Variants in SF3B3 observed in about 807,000 individuals in gnomAD.
The protein encoded by SF3B3 is splicing factor 3b subunit 3, also known as SAP 130.
In SF3B3, 33 loss-of-function variants were observed where a neutral mutation model predicts 139.2. The observed-to-expected ratio is 0.24, with a 90% confidence interval of 0.18 to 0.32. SF3B3 has a LOEUF of 0.32. Among genes scored for constraint, SF3B3 ranks in the 10% least tolerant of loss-of-function variants. SF3B3 has a pLI of 1.00. For missense variants in SF3B3, 818 were observed against 1,509.4 expected (o/e 0.54, Z 7.59); for synonymous variants, 596 against 563.6 (o/e 1.06, Z -0.81).
intron 18 of SF3B3, 43 bp from the exon 19 acceptor site, chr16:70,565,022 C>A (rs376041636): frequency 1.3e-6 from 2 of 1,595,014 alleles, no homozygotes; most frequent in African/African-American, 1.3e-5. Context: ...CCAGCCCCTA[C>A]CTCTGAGCAC....
chr16:70,527,407 C>G (rs1291411836), intron 2 of SF3B3, among the ~76,000 whole-genome samples: 9 of 152,198 alleles, frequency 5.9e-5, no homozygotes, highest in Admixed American at 4.6e-4. Flanking sequence ...CCAAGTAATG[C>G]AGGAGGTTCA....
At chr16:70,538,534 G>A in intron 7 of SF3B3, 74 bp downstream of exon 7, 1 of 1,326,384 alleles carries the variant, frequency 7.5e-7, no homozygotes, top group East Asian at 2.3e-5. Flanking sequence ...TACTTTACAA[G>A]TTAAAAAAAT....
At chr16:70,556,543 A>G (rs1238471027) in intron 14 of SF3B3, 5 of 628,616 alleles carry the variant, frequency 8.0e-6, no homozygotes, top group Middle Eastern at 4.3e-4. Flanking sequence ...GACTACAGAA[A>G]TGTTTCTTTG....
rs374390756 is a variant in SF3B3 at position 70,548,430 on chromosome 16, C to T, written c.1390C>T (p.Arg464Ter). ...GNPNAVWTVR[R>*]HIEDEFDAYI... ...CCCCAACGCTGTCTGGACAGTGCGT[C>T]GACACATTGAAGGTAAGCAGCTTTT... The change falls in exon 11 of 26, where the codon CGA becomes TGA. Residue 464 changes from arginine to a stop codon, truncating the protein, a stop_gained. Transcript: ENST00000302516. LOFTEE classifies it high-confidence loss of function. 1 of 1,613,728 alleles carries T rather than the reference C, an allele frequency of 6.2e-7. No homozygotes were observed. Among genetic ancestry groups the T allele is most frequent in the Non-Finnish European group, 8.5e-7 (1 of 1,179,926 alleles).
Position 70,526,655 on chromosome 16 carries a change from C to G in SF3B3, c.-2C>G, listed in dbSNP as rs1234079138. On this transcript the variant is annotated 5_prime_UTR_variant, in exon 2 of 26. Coordinates refer to ENST00000302516, the MANE Select transcript of SF3B3 (RefSeq NM_012426.5). ...TCTGGGTGGCTCAGGTTTCCTGCAG[C>G]CATGTTTCTGTACAACTTAACCTTG... 1.2e-6 allele frequency: 2 copies of G among 1,613,506 alleles called. No individual in the cohort carries two copies. The highest frequency in any genetic ancestry group is 1.3e-5 in the African/African-American group (1 of 75,012).
chr16:70,547,479 C>A (rs1292163066), intron 10 of SF3B3, among the ~76,000 whole-genome samples: 1 of 152,320 alleles, frequency 6.6e-6, no homozygotes. Context: ...GTTTTGTTTA[C>A]TCTTATGTTT....
chr16:70,540,748 GAAAA>G (rs946567064), intron 8 of SF3B3, among the ~76,000 whole-genome samples: 1 of 151,678 alleles, frequency 6.6e-6, no homozygotes, highest in Non-Finnish European at 1.5e-5. Context: ...AAAAAAGAAA[GAAAA>G]AGATTCATGT....
intron 9 of SF3B3, among the ~76,000 whole-genome samples, chr16:70,543,224 A>C (rs752025546): frequency 1.3e-5 from 2 of 151,460 alleles, no homozygotes; most frequent in African/African-American, 4.9e-5. Context: ...CCTGACCAAC[A>C]TGGAGAAACC....
chr16:70,535,419 G>A lies in SF3B3; in HGVS notation c.824G>A (p.Arg275Gln), dbSNP rs769539685. Reference protein sequence around the residue: ...PDIRCPIPRRRNDLDDPERGM... With the variant: ...PDIRCPIPRRQNDLDDPERGM... ...ATCCGCTGTCCAATTCCCAGGAGGCGGGTAAGATCTTTGATATAAGAAGAG... is the reference window on the plus strand; with the variant it reads ...ATCCGCTGTCCAATTCCCAGGAGGCAGGTAAGATCTTTGATATAAGAAGAG... The change falls in exon 6 of 26, where the codon CGG becomes CAG. Residue 275 changes from arginine to glutamine, a missense_variant and splice_region_variant. Physicochemically the swap from Arg to Gln is conservative, Grantham distance 43. Transcript: ENST00000302516. The A allele has an allele frequency of 1.9e-6, 3 of 1,559,048 alleles. No individual in the cohort carries two copies. The highest frequency in any genetic ancestry group is 1.4e-5 in the African/African-American group (1 of 73,540).
intron 9 of SF3B3, among the ~76,000 whole-genome samples, chr16:70,542,085 C>G (rs1023341310): frequency 1.3e-5 from 2 of 152,146 alleles, no homozygotes; most frequent in African/African-American, 4.8e-5. Flanking sequence ...TCAGACCATA[C>G]AAGAAGTGAG....
chr16:70,532,672 C>T (rs772617621), intron 5 of SF3B3, 52 bp downstream of exon 5: 4 of 1,558,516 alleles, frequency 2.6e-6, no homozygotes, highest in South Asian at 2.2e-5. Flanking sequence ...TCATTTTATG[C>T]CCAAACCTAA....
intron 12 of SF3B3, among the ~76,000 whole-genome samples, 191 bp from the exon 13 acceptor site, chr16:70,554,860 C>T (rs1193171515): frequency 2.0e-5 from 3 of 152,200 alleles, no homozygotes; most frequent in Non-Finnish European, 2.9e-5. Flanking sequence ...GAAGTGGACA[C>T]TGCAAAACAT....
intron 3 of SF3B3, among the ~76,000 whole-genome samples, chr16:70,530,286 A>G (rs1203381994): frequency 1.3e-5 from 2 of 148,214 alleles, no homozygotes; most frequent in African/African-American, 2.5e-5. Flanking sequence ...GACTTGAGCC[A>G]CTGTGCCCAG....
intron 14 of SF3B3, 166 bp downstream of exon 14, chr16:70,556,500 A>T (rs1345489075): frequency 4.2e-6 from 3 of 721,586 alleles, no homozygotes; most frequent in Non-Finnish European, 4.7e-6. Flanking sequence ...GTGTTTCAGG[A>T]GTTTCCTGCT....
intron 10 of SF3B3, among the ~76,000 whole-genome samples, 180 bp from the exon 11 acceptor site, chr16:70,548,190 A>G (rs986687875): frequency 6.6e-6 from 1 of 152,122 alleles, no homozygotes; most frequent in African/African-American, 2.4e-5. Flanking sequence ...TGTCATGGGG[A>G]TTGCCACTAA....
chr16:70,553,482 T>C (rs1295051426), intron 11 of SF3B3, among the ~76,000 whole-genome samples: 1 of 152,178 alleles, frequency 6.6e-6, no homozygotes, highest in East Asian at 1.9e-4. Flanking sequence ...TGTCCTTTTT[T>C]TTTAACCTGA....
At chr16:70,569,169 G>A in intron 23 of SF3B3, 28 bp downstream of exon 23, 11 of 1,498,752 alleles carry the variant, frequency 7.3e-6, no homozygotes, top group Non-Finnish European at 1.0e-5. Context: ...GCCCCAGGGA[G>A]AACACTGCTT....
chr16:70,529,050 ACT>A lies in SF3B3; in HGVS notation c.251_252del (p.Ser84TrpfsTer12). On this transcript the variant is annotated frameshift_variant, in exon 3 of 26. Coordinates refer to ENST00000302516, the MANE Select transcript of SF3B3 (RefSeq NM_012426.5). LOFTEE classifies it high-confidence loss of function. ...AAAGACTACATTGTAGTTGGCAGTG[ACT>A]CTGGTCGAATTGTTATTTTGGAATA... 6.2e-7 allele frequency: 1 copy of A among 1,614,046 alleles called. No homozygotes were observed. Among genetic ancestry groups the A allele is most frequent in the Non-Finnish European group, 8.5e-7 (1 of 1,180,010 alleles).
At chr16:70,557,400 TGTTGTCAAA>T (rs1386492185) in intron 15 of SF3B3, among the ~76,000 whole-genome samples, 1 of 152,230 alleles carries the variant, frequency 6.6e-6, no homozygotes, top group African/African-American at 2.4e-5. Context: ...AAATGTTCCC[TGTTGTCAAA>T]GTTGCTGAGC....
Sources: allele counts gnomAD v4.1 joint callset (sites outside exome capture counted in the v4.1 genomes callset), GRCh38; gene constraint gnomAD v4.1.1; transcripts MANE v1.5; gene names NCBI Gene and HGNC (gene_info 2026-07-23, HGNC 2026-07-21).